The following NTHL1 variants were observed in gnomAD, a reference collection of about 807,000 sequenced individuals.
NTHL1 encodes endonuclease III-like protein 1.
NTHL1 carries 32 observed loss-of-function variants against 32.3 expected under a neutral mutation model. The ratio of observed to expected loss-of-function variants is 0.99; its 90% CI spans 0.75 to 1.33. The LOEUF (loss-of-function observed/expected upper bound fraction) is 1.33. Ranked by LOEUF, NTHL1 falls within the 40% of genes most tolerant of loss-of-function variation. NTHL1 has a pLI of 0.00. For synonymous variants in NTHL1, 188 were observed against 176.9 expected (o/e 1.06, Z -0.50); for missense variants, 501 against 414.1 (o/e 1.21, Z -1.82).
intron 4 of NTHL1, among the ~76,000 whole-genome samples, chr16:2,042,770 C>T (rs143604769): frequency 1.4e-5 from 2 of 147,944 alleles, no homozygotes; most frequent in Non-Finnish European, 3.0e-5. Flanking sequence ...GGCCCTCCCC[C>T]CAGTGCCTCC....
intron 2 of NTHL1, among the ~76,000 whole-genome samples, chr16:2,045,395 C>T (rs1000830374): frequency 1.3e-5 from 2 of 152,122 alleles, no homozygotes; most frequent in African/African-American, 2.4e-5. Context: ...CCATTGGCCA[C>T]TACTATTATG....
At chr16:2,040,078 C>T (rs2084239538) in intron 5 of NTHL1, 31 bp from the exon 6 acceptor site, 2 of 1,612,528 alleles carry the variant, frequency 1.2e-6, no homozygotes, top group African/African-American at 2.7e-5. Flanking sequence ...TCAGTGCTGA[C>T]AGAGGGCGGG....
In NTHL1 at chr16:2,042,124, C is replaced by T. The variant is rs1223764675; in HGVS notation, c.685+1443G>A. The T allele has an allele frequency of 6.6e-6, 3 of 455,514 alleles. No individual in the cohort carries two copies. The Admixed American group carries it at 7.1e-5, about 11-fold the overall frequency. 28.2% of individuals were successfully genotyped at this position (455,514 alleles called of 1,614,324 possible). On this transcript the variant is annotated intron_variant, in intron 4 of 5. Coordinates refer to ENST00000651570, the MANE Select transcript of NTHL1 (RefSeq NM_002528.7). ...AGGAGGCAGCCCTGGGGTCTCCTTG[C>T]AGGTGGTCAGGCCCACAGACACCTG...
intron 4 of NTHL1, among the ~76,000 whole-genome samples, chr16:2,042,867 C>G (rs1478365996): frequency 1.1e-5 from 1 of 93,534 alleles, no homozygotes; most frequent in African/African-American, 4.6e-5. Flanking sequence ...ATCCTCCCAG[C>G]GCCTCCCTCC....
rs1026121753 is a variant in NTHL1, at chr16:2,043,857, C to T, written c.526-131G>A. 21 of 1,110,960 alleles carry T rather than the reference C, an allele frequency of 1.9e-5. No individual in the cohort carries two copies. The highest frequency in any genetic ancestry group is 6.2e-5 in the African/African-American group (4 of 65,002). 68.8% of individuals were successfully genotyped at this position (1,110,960 alleles called of 1,614,324 possible). ...TGAGGACGTGTGCAAGCTCAGCCCC[C>T]GCCCCCCAGGAGGCGGGAACAAGCG... On this transcript the variant is annotated intron_variant, in intron 3 of 5. Transcript: ENST00000651570. This position sits in a 1 kb window ranked among gnomAD's most constrained non-coding sequence, Gnocchi z 4.4.
Position 2,044,563 on chromosome 16 carries a change from C to A in NTHL1, c.525+67G>T. 2 of 1,588,682 alleles carry A rather than the reference C, an allele frequency of 1.3e-6. No homozygotes were observed. Among genetic ancestry groups the A allele is most frequent in the Non-Finnish European group, 1.7e-6 (2 of 1,172,848 alleles). ...TCACTTCCTGCACCGTCGCCACCCCCCTCAGCCTTCTGAGGTCTCTCTCAG... is the reference window on the plus strand; with the variant it reads ...TCACTTCCTGCACCGTCGCCACCCCACTCAGCCTTCTGAGGTCTCTCTCAG... On this transcript the variant is annotated intron_variant, in intron 3 of 5. Transcript: ENST00000651570. The surrounding 1 kb of genome is among the most constrained non-coding windows in gnomAD (Gnocchi z 5.0).
At position 2,043,680 on chromosome 16, in the gene NTHL1, T is replaced by G. The variant is rs1226532313; in HGVS notation, c.572A>C (p.His191Pro). 1.2e-6 allele frequency: 2 copies of G among 1,612,196 alleles called. No individual in the cohort carries two copies. Among genetic ancestry groups the G allele is most frequent in the South Asian group, 1.1e-5 (1 of 91,090 alleles). ...IKQTSAILQQ[H>P]YGGDIPASVA... The stretch of plus-strand genomic sequence containing the variant: ...AGAGGCTGGGATGTCCCCACCGTAG[T>G]GCTGCTGCAGGATGGCGCTGGTCTG... Residue 191 changes from histidine (H) to proline (P), a missense_variant, in exon 4 of 6, where the codon CAC (histidine) becomes CCC (proline). By Grantham distance (77) the His-to-Pro change is moderately conservative. Coordinates refer to ENST00000651570, the MANE Select transcript of NTHL1 (RefSeq NM_002528.7). This position sits in a 1 kb window ranked among gnomAD's most constrained non-coding sequence, Gnocchi z 4.4.
intron 1 of NTHL1, chr16:2,046,866 G>T (rs1157578923): frequency 6.4e-6 from 1 of 155,992 alleles, no homozygotes; most frequent in Non-Finnish European, 1.4e-5. Context: ...CAGCTACTTG[G>T]GAGGCTGAGG....
At chr16:2,042,453 G>A (rs574730967) in intron 4 of NTHL1, among the ~76,000 whole-genome samples, 24 of 152,302 alleles carry the variant, frequency 1.6e-4, no homozygotes, top group African/African-American at 5.8e-4. Context: ...GCTCAGAATA[G>A]AGGCCCCCGG....
At chr16:2,045,359 G>C (rs577368127) in intron 2 of NTHL1, among the ~76,000 whole-genome samples, 1 of 152,018 alleles carries the variant, frequency 6.6e-6, no homozygotes, top group Non-Finnish European at 1.5e-5. Flanking sequence ...CAACACGATC[G>C]TATCTGGCCC....
At chr16:2,045,007 A>G (rs2084324583) in intron 2 of NTHL1, among the ~76,000 whole-genome samples, 1 of 152,156 alleles carries the variant, frequency 6.6e-6, no homozygotes, top group South Asian at 2.1e-4. Context: ...GACTCACTGG[A>G]GTAATGTGAA....
intron 2 of NTHL1, among the ~76,000 whole-genome samples, chr16:2,045,263 G>A (rs1425381832): frequency 6.6e-6 from 1 of 151,908 alleles, no homozygotes; most frequent in South Asian, 2.1e-4. Flanking sequence ...TTTGAACCTC[G>A]GAGGCGAAGG....
intron 1 of NTHL1, 180 bp downstream of exon 1, chr16:2,047,529 C>T: frequency 9.2e-7 from 1 of 1,085,932 alleles, no homozygotes; most frequent in Non-Finnish European, 1.3e-6. Context: ...CCCCTGCGGA[C>T]CGCAATCTTT....
chr16:2,042,287 AG>A (rs2084277469), intron 4 of NTHL1: 1 of 353,528 alleles, frequency 2.8e-6, no homozygotes, highest in Non-Finnish European at 5.6e-6. Flanking sequence ...CGGGCAGCTG[AG>A]GACAGCCGCC....
At position 2,044,179 on chromosome 16, in the gene NTHL1, G is replaced by A. The variant is rs1051839150; in HGVS notation, c.525+451C>T. 4 of 322,352 alleles carry A rather than the reference G, an allele frequency of 1.2e-5. No homozygotes were observed. Among genetic ancestry groups the A allele is most frequent in the African/African-American group, 2.1e-5 (1 of 46,922 alleles). 20.0% of individuals were successfully genotyped at this position (322,352 alleles called of 1,614,324 possible). A position where few individuals can be genotyped will look rare whatever the true frequency, so the allele number is the denominator to read the frequency against. On this transcript the variant is annotated intron_variant, in intron 3 of 5. Transcript: ENST00000651570. This position sits in a 1 kb window ranked among gnomAD's most constrained non-coding sequence, Gnocchi z 5.0. ...CCATCTGAGAAACTGCGGCCCACGC[G>A]GGTGCCAAGGGGAAGCGGCCCCACC...
In NTHL1 at chr16:2,043,797, G is replaced by T; in HGVS notation, c.526-71C>A. 1 of 1,580,060 alleles carries T rather than the reference G, an allele frequency of 6.3e-7. No individual in the cohort carries two copies. The highest frequency in any genetic ancestry group is 1.1e-5 in the South Asian group (1 of 89,922). Reference sequence around the variant, plus strand: ...CAACCTGGGAGGATGCAGCCCCCAGGAGACCCACAGGTGGCCAGAGCTACC... The same window carrying T: ...CAACCTGGGAGGATGCAGCCCCCAGTAGACCCACAGGTGGCCAGAGCTACC... On this transcript the variant is annotated intron_variant, in intron 3 of 5. Coordinates refer to ENST00000651570, the MANE Select transcript of NTHL1 (RefSeq NM_002528.7). The surrounding 1 kb of genome is among the most constrained non-coding windows in gnomAD (Gnocchi z 4.4).
rs2084313997 is a variant in NTHL1, at chr16:2,044,510, G to A, written c.525+120C>T. 5 of 1,349,810 alleles carry A rather than the reference G, an allele frequency of 3.7e-6. No individual in the cohort carries two copies. Among genetic ancestry groups the A allele is most frequent in the Middle Eastern group, 2.5e-4 (1 of 3,980 alleles). The allele number at this position is 1,349,810 out of a possible 1,614,324, so 83.6% of individuals were successfully genotyped here. A position where few individuals can be genotyped will look rare whatever the true frequency, so the allele number is the denominator to read the frequency against. On this transcript the variant is annotated intron_variant, in intron 3 of 5. Coordinates refer to ENST00000651570, the MANE Select transcript of NTHL1 (RefSeq NM_002528.7). The surrounding 1 kb of genome is among the most constrained non-coding windows in gnomAD (Gnocchi z 5.0). ...CACGGCCTGGGGGGGGCTTCAGGGGGACCCCCCGAGCCTGAGATGCTTGAC... is the reference window on the plus strand; with the variant it reads ...CACGGCCTGGGGGGGGCTTCAGGGGAACCCCCCGAGCCTGAGATGCTTGAC...
chr16:2,046,430 T>C, intron 1 of NTHL1, 64 bp from the exon 2 acceptor site: 1 of 1,453,214 alleles, frequency 6.9e-7, no homozygotes, highest in Non-Finnish European at 9.4e-7. Context: ...AGGGGTGCCA[T>C]CCCGCCTGCT....
Position 2,039,847 on chromosome 16 carries a change from A to C in NTHL1, c.*77T>G. 6.3e-7 allele frequency: 1 copy of C among 1,584,552 alleles called. No homozygotes were observed. The highest frequency in any genetic ancestry group is 8.6e-7 in the Non-Finnish European group (1 of 1,169,428). On this transcript the variant is annotated 3_prime_UTR_variant, in exon 6 of 6. Coordinates refer to ENST00000651570, the MANE Select transcript of NTHL1 (RefSeq NM_002528.7). Reference sequence around the variant, plus strand: ...CAAACACACCAAAGCTTTATTCAACAGGCGTGGCTTCCTGAAGCGTAAAGC... The same window carrying C: ...CAAACACACCAAAGCTTTATTCAACCGGCGTGGCTTCCTGAAGCGTAAAGC...
Sources: gnomAD v4.1 joint callset for allele counts (sites outside exome capture counted in the v4.1 genomes callset) on GRCh38, gnomAD v4.1.1 for gene constraint, Gnocchi (gnomAD v3.1) non-coding constraint, MANE v1.5 for transcripts, NCBI Gene and HGNC (gene_info 2026-07-23, HGNC 2026-07-21) for gene names.